TRAF6: variants seen among roughly 807,000 people sequenced by gnomAD.
The protein encoded by TRAF6 is TNF receptor associated factor 6.
A neutral mutation model predicts 48.4 loss-of-function variants in TRAF6; 10 were observed. The ratio of observed to expected loss-of-function variants is 0.21; its 90% CI spans 0.13 to 0.35. TRAF6 has a LOEUF of 0.35. Ranked by LOEUF, TRAF6 falls within the 10% of genes least tolerant of loss-of-function variation. TRAF6 has a pLI of 1.00. For synonymous variants in TRAF6, 186 were observed against 219.6 expected (o/e 0.85, Z 1.35); for missense variants, 397 against 661.0 (o/e 0.60, Z 4.38).
chr11:36,505,247 C>T (rs1318554601), intron 1 of TRAF6, among the ~76,000 whole-genome samples: 1 of 152,174 alleles, frequency 6.6e-6, no homozygotes, highest in African/African-American at 2.4e-5. Context: ...CAATAAAAGG[C>T]TGTTAAGTAT....
In TRAF6 at chr11:36,485,084, C is replaced by T. The variant is rs971119911; in HGVS notation, c.*4754G>A. On this transcript the variant is annotated 3_prime_UTR_variant, in exon 7 of 7. Coordinates refer to ENST00000526995, the MANE Select transcript of TRAF6 (RefSeq NM_004620.4). ...AAACTTGAAGTCTCATTAAAAGTAACATCTATCAAGTGATAAAGCAAATGT... is the reference window on the plus strand; with the variant it reads ...AAACTTGAAGTCTCATTAAAAGTAATATCTATCAAGTGATAAAGCAAATGT... Among the ~76,000 whole-genome samples, 9 of 152,084 alleles carry T rather than the reference C, an allele frequency of 5.9e-5. No homozygotes were observed. Among genetic ancestry groups the T allele is most frequent in the African/African-American group, 2.2e-4 (9 of 41,374 alleles).
intron 3 of TRAF6, among the ~76,000 whole-genome samples, chr11:36,497,600 T>C (rs899867992): frequency 6.6e-6 from 1 of 152,244 alleles, no homozygotes; most frequent in Admixed American, 6.5e-5. Flanking sequence ...GCAAGTAGTA[T>C]ATCTGCCTTA....
intron 1 of TRAF6, among the ~76,000 whole-genome samples, chr11:36,503,059 G>A (rs1859738127): frequency 6.6e-6 from 1 of 152,148 alleles, no homozygotes; most frequent in African/African-American, 2.4e-5. Context: ...TAACAGAGTT[G>A]GGATCAGAAC....
At position 36,486,754 on chromosome 11, in the gene TRAF6, G is replaced by T. The variant is rs375581997; in HGVS notation, c.*3084C>A. On this transcript the variant is annotated 3_prime_UTR_variant, in exon 7 of 7. Coordinates refer to ENST00000526995, the MANE Select transcript of TRAF6 (RefSeq NM_004620.4). The stretch of plus-strand genomic sequence containing the variant: ...TTCAAATCAACATTCAGACTTGTTT[G>T]CCAACAGCAAAATGTATGACGTGCA... Among the ~76,000 whole-genome samples the T allele has an allele frequency of 1.4e-3, 209 of 152,242 alleles. 3 individuals carry two copies. Among genetic ancestry groups the T allele is most frequent in the African/African-American group, 5.0e-3 (206 of 41,502 alleles).
Position 36,499,105 on chromosome 11 carries a change from G to A in TRAF6, c.297-465C>T, listed in dbSNP as rs59156047. ...AATTTAAGCACTTAGCAGTACCTCC[G>A]TGAGGTCACATTTTAAAGTTTACTC... On this transcript the variant is annotated intron_variant, in intron 2 of 6. Transcript: ENST00000526995. Among the ~76,000 whole-genome samples, 1,050 of 152,202 alleles carry A rather than the reference G, an allele frequency of 6.9e-3. 13 individuals carry two copies. Among genetic ancestry groups the A allele is most frequent in the African/African-American group, 0.025 (1,018 of 41,548 alleles).
intron 2 of TRAF6, among the ~76,000 whole-genome samples, chr11:36,499,555 C>T (rs577322487): frequency 1.3e-5 from 2 of 152,218 alleles, no homozygotes; most frequent in South Asian, 2.1e-4. Context: ...GCCGAGATCG[C>T]GCCACTGCAC....
intron 2 of TRAF6, among the ~76,000 whole-genome samples, chr11:36,498,967 T>C (rs916503004): frequency 6.6e-6 from 1 of 152,206 alleles, no homozygotes; most frequent in Non-Finnish European, 1.5e-5. Flanking sequence ...AATGGGAATT[T>C]TGGCAGTCTG....
chr11:36,492,613 C>A lies in TRAF6; in HGVS notation c.694G>T (p.Asp232Tyr). 2 of 1,609,836 alleles carry A rather than the reference C, an allele frequency of 1.2e-6. No individual in the cohort carries two copies. Among genetic ancestry groups the A allele is most frequent in the East Asian group, 2.2e-5 (1 of 44,840 alleles). Residue 232 changes from aspartate (D) to tyrosine (Y), a missense_variant, in exon 6 of 7, where the codon GAT becomes TAT. Asp to Tyr is a radical substitution (Grantham distance 160, BLOSUM62 -3). Coordinates refer to ENST00000526995, the MANE Select transcript of TRAF6 (RefSeq NM_004620.4). The stretch of plus-strand genomic sequence containing the variant: ...ATTGGGGCTGTAGGGCAGTCTAGAT[C>A]ATAATGATTAGGCATCTGAAATCCA... ...LIREQMPNHY[D>Y]LDCPTAPIPC...
At chr11:36,504,127 T>C (rs886249540) in intron 1 of TRAF6, among the ~76,000 whole-genome samples, 1 of 152,320 alleles carries the variant, frequency 6.6e-6, no homozygotes, top group East Asian at 1.9e-4. Context: ...TGTTGATGGC[T>C]GTTGACTGAT....
rs959095612 is a variant in TRAF6 at position 36,488,939 on chromosome 11, T to C, written c.*899A>G. On this transcript the variant is annotated 3_prime_UTR_variant, in exon 7 of 7. Coordinates refer to ENST00000526995, the MANE Select transcript of TRAF6 (RefSeq NM_004620.4). ...ATGAGATGCCACATGCGCTGACTAC[T>C]TGGGTCACTTTTAATTTTTATGTTG... is the stretch of plus-strand genomic sequence containing the variant. 1.3e-5 allele frequency: 2 copies of C among 152,240 alleles called. No individual in the cohort carries two copies. Among genetic ancestry groups the C allele is most frequent in the Non-Finnish European group, 2.9e-5 (2 of 68,032 alleles). The allele number at this position is 152,240 out of a possible 1,614,324, so 9.4% of individuals were successfully genotyped here. A position where few individuals can be genotyped will look rare whatever the true frequency, so the allele number is the denominator to read the frequency against.
intron 4 of TRAF6, 27 bp downstream of exon 4, chr11:36,497,081 A>G: frequency 6.2e-7 from 1 of 1,607,534 alleles, no homozygotes; most frequent in Non-Finnish European, 8.5e-7. Context: ...GAAGTAGTGA[A>G]TTTAACAAAT....
In TRAF6 at chr11:36,485,896, A is replaced by G. The variant is rs1015452044; in HGVS notation, c.*3942T>C. Among the ~76,000 whole-genome samples, 1 of 152,172 alleles carries G rather than the reference A, an allele frequency of 6.6e-6. No homozygotes were observed. The highest frequency in any genetic ancestry group is 1.5e-5 in the Non-Finnish European group (1 of 68,042). ...GACAGAAACAGAGAAACTAACTTAC[A>G]GTCCATCATGTCAATCTGGGAGTTT... On this transcript the variant is annotated 3_prime_UTR_variant, in exon 7 of 7. Coordinates refer to ENST00000526995, the MANE Select transcript of TRAF6 (RefSeq NM_004620.4).
At chr11:36,499,968 A>G (rs546602515) in intron 2 of TRAF6, among the ~76,000 whole-genome samples, 1 of 152,352 alleles carries the variant, frequency 6.6e-6, no homozygotes, top group South Asian at 2.1e-4. Flanking sequence ...TTTGAATTAT[A>G]GTAAAATGTA....
Position 36,492,530 on chromosome 11 carries a change from TA to T in TRAF6, c.756+20del. ...TTTTTTTTTACTTATATTCAAGAAT[TA>T]AAAGAAAAAAAAACCTTACCTTTTC... On this transcript the variant is annotated intron_variant, in intron 6 of 6. Coordinates refer to ENST00000526995, the MANE Select transcript of TRAF6 (RefSeq NM_004620.4). The T allele has an allele frequency of 6.4e-7, 1 of 1,572,270 alleles. No individual in the cohort carries two copies. The highest frequency in any genetic ancestry group is 8.6e-7 in the Non-Finnish European group (1 of 1,156,448).
intron 6 of TRAF6, 87 bp downstream of exon 6, chr11:36,492,464 T>A: frequency 9.1e-7 from 1 of 1,092,982 alleles, no homozygotes; most frequent in South Asian, 1.4e-5. Context: ...TACAACTACA[T>A]CTACATTCTT....
chr11:36,489,983 G>A lies in TRAF6; in HGVS notation c.1424C>T (p.Thr475Ile). Residue 475 changes from threonine (T) to isoleucine (I), a missense_variant, in exon 7 of 7, where the codon ACT becomes ATT. Transcript: ENST00000526995. Reference sequence around the variant, plus strand: ...TCTTAGGGCTTCCAGATGCATAAAAGTTACATAGCCAAAACCTTTTGGGTT... The same window carrying A: ...TCTTAGGGCTTCCAGATGCATAAAAATTACATAGCCAAAACCTTTTGGGTT... ...PRNPKGFGYV[T>I]FMHLEALRQR... 1 of 1,614,176 alleles carries A rather than the reference G, an allele frequency of 6.2e-7. No individual in the cohort carries two copies. The highest frequency in any genetic ancestry group is 8.5e-7 in the Non-Finnish European group (1 of 1,180,028).
intron 1 of TRAF6, among the ~76,000 whole-genome samples, chr11:36,508,525 T>C (rs1304231252): frequency 6.6e-6 from 1 of 151,890 alleles, no homozygotes; most frequent in East Asian, 1.9e-4. Context: ...GCTAAGGAGG[T>C]ATGTGCCAAG....
chr11:36,509,702 C>A (rs1859875329), intron 1 of TRAF6, among the ~76,000 whole-genome samples: 2 of 152,046 alleles, frequency 1.3e-5, no homozygotes, highest in African/African-American at 4.8e-5. Flanking sequence ...GCCTGGGGAG[C>A]AGAGGTCAGG....
Position 36,487,164 on chromosome 11 carries a change from T to C in TRAF6, c.*2674A>G, listed in dbSNP as rs1859496775. On this transcript the variant is annotated 3_prime_UTR_variant, in exon 7 of 7. Transcript: ENST00000526995. ...AGTGGAAACAATTTCTTTTTTAATTTAGCAATGTCCCAGAATGATGCCAAA... is the reference window on the plus strand; with the variant it reads ...AGTGGAAACAATTTCTTTTTTAATTCAGCAATGTCCCAGAATGATGCCAAA... The C allele has an allele frequency of 6.6e-6, 1 of 152,224 alleles. No individual in the cohort carries two copies. The highest frequency in any genetic ancestry group is 6.5e-5 in the Admixed American group (1 of 15,276). The allele number at this position is 152,224 out of a possible 1,614,324, so 9.4% of individuals were successfully genotyped here. A position where few individuals can be genotyped will look rare whatever the true frequency, so the allele number is the denominator to read the frequency against.
Sources: gnomAD v4.1 joint callset for allele counts (sites outside exome capture counted in the v4.1 genomes callset) on GRCh38, gnomAD v4.1.1 for gene constraint, MANE v1.5 for transcripts, NCBI Gene and HGNC (gene_info 2026-07-23, HGNC 2026-07-21) for gene names.